Variants in EML6 observed in about 807,000 individuals in gnomAD.
The protein encoded by EML6 is echinoderm microtubule-associated protein-like 6.
EML6 carries 154 observed loss-of-function variants against 240.1 expected under a neutral mutation model. The observed-to-expected ratio is 0.64, with a 90% CI of 0.56 to 0.73. EML6 has a LOEUF of 0.73. Among genes scored for constraint, EML6 ranks in the 30% least tolerant of loss-of-function variants. The pLI, the probability that EML6 is intolerant of heterozygous loss-of-function variation, is 0.00. For missense variants in EML6, 2,964 were observed against 2,474.6 expected (o/e 1.20, Z -4.20); for synonymous variants, 1,148 against 899.0 (o/e 1.28, Z -4.95).
chr2:54,781,904 A>G (rs1265199274), intron 2 of EML6, among the ~76,000 whole-genome samples: 1 of 152,174 alleles, frequency 6.6e-6, no homozygotes, highest in Non-Finnish European at 1.5e-5. Context: ...CCTGGACTCA[A>G]GTGATCTGCC....
chr2:54,945,168 TCC>T (rs1303501816), intron 28 of EML6, among the ~76,000 whole-genome samples: 1 of 69,930 alleles, frequency 1.4e-5, no homozygotes, highest in Non-Finnish European at 2.9e-5. Flanking sequence ...CTCCTCCCCC[TCC>T]CCTCTTTCCC....
rs200826052 is a variant in EML6, at chr2:54,891,162, C to T, written c.2539+8C>T. 32 of 1,396,742 alleles carry T rather than the reference C, an allele frequency of 2.3e-5. No homozygotes were observed. In the East Asian group the frequency reaches 6.8e-4, roughly 30 times the overall value. 86.5% of individuals were successfully genotyped at this position (1,396,742 alleles called of 1,614,324 possible). A position where few individuals can be genotyped will look rare whatever the true frequency, so the allele number is the denominator to read the frequency against. On this transcript the variant is annotated splice_region_variant and intron_variant, in intron 18 of 41. Coordinates refer to ENST00000356458, the MANE Select transcript of EML6 (RefSeq NM_001039753.4). ...AATTCTGGCAACAAGCAGGTACTGT[C>T]GTTTGGGTTTATCATTTATGTGATT...
chr2:54,760,650 A>G (rs1384905869), intron 2 of EML6, among the ~76,000 whole-genome samples: 1 of 152,048 alleles, frequency 6.6e-6, no homozygotes, highest in Non-Finnish European at 1.5e-5. Flanking sequence ...GCCAAATGTA[A>G]TTTTATCTGG....
rs1676118396 is a variant in EML6, at chr2:54,954,106, C to T, written c.4436C>T (p.Ser1479Leu). ...AGTGCAACTGGAAAGCTCCTGGTGT[C>T]GGTGGGAGTGGACCCTGAGCACACC... The part of the protein sequence containing the change: ...NFSATGKLLV[S>L]VGVDPEHTIT... The change falls in exon 32 of 42, where the codon TCG becomes TTG. Residue 1479 changes from serine (S) to leucine (L), a missense_variant. Physicochemically the swap from Ser to Leu is moderately radical, Grantham distance 145 (BLOSUM62 -2). Transcript: ENST00000356458. 6.4e-6 allele frequency: 10 copies of T among 1,551,522 alleles called. No individual in the cohort carries two copies. Among genetic ancestry groups the T allele is most frequent in the Middle Eastern group, 1.7e-4 (1 of 6,014 alleles).
intron 2 of EML6, among the ~76,000 whole-genome samples, chr2:54,773,635 A>G (rs1263043510): frequency 2.0e-5 from 3 of 152,176 alleles, no homozygotes; most frequent in Non-Finnish European, 2.9e-5. Flanking sequence ...TCCAATTTAC[A>G]TTGTCTAAGC....
intron 7 of EML6, among the ~76,000 whole-genome samples, chr2:54,840,175 C>G (rs892357952): frequency 6.6e-6 from 1 of 152,152 alleles, no homozygotes; most frequent in Non-Finnish European, 1.5e-5. Flanking sequence ...GGGACAAATT[C>G]AAGTCATTTG....
intron 2 of EML6, among the ~76,000 whole-genome samples, chr2:54,763,428 A>C (rs1428463442): frequency 1.3e-5 from 2 of 152,256 alleles, no homozygotes; most frequent in Non-Finnish European, 2.9e-5. Flanking sequence ...GAATGTTTAT[A>C]GAACTTTAAC....
rs1056831886 is a variant in EML6 at position 54,957,938 on chromosome 2, G to T, written c.4635G>T (p.Gly1545=). The T allele has an allele frequency of 6.4e-7, 1 of 1,551,472 alleles. No individual in the cohort carries two copies. Among genetic ancestry groups the T allele is most frequent in the African/African-American group, 1.4e-5 (1 of 73,028 alleles). The part of the protein sequence containing the change: ...LAGSALLYKK[G]VIGSLGAAKM... The stretch of plus-strand genomic sequence containing the variant: ...GCAGCGCCTTGCTTTACAAGAAAGG[G>T]GTCATCGGGTCCCTGGGAGCTGCCA... Residue 1545 remains glycine, a synonymous_variant, in exon 33 of 42, where the codon GGG becomes GGT. Transcript: ENST00000356458.
chr2:54,922,286 C>CA (rs767660085), intron 26 of EML6, among the ~76,000 whole-genome samples: 2 of 151,880 alleles, frequency 1.3e-5, no homozygotes, highest in Non-Finnish European at 2.9e-5. Flanking sequence ...TAGAAATGGC[C>CA]AACAGGTATG....
chr2:54,748,208 G>A (rs183239485), intron 2 of EML6, among the ~76,000 whole-genome samples: 4 of 152,184 alleles, frequency 2.6e-5, no homozygotes, highest in African/African-American at 9.7e-5. Context: ...ATTATATGGT[G>A]TCAAAGAAAG....
chr2:54,789,655 C>G (rs1429574224), intron 2 of EML6, among the ~76,000 whole-genome samples: 2 of 151,810 alleles, frequency 1.3e-5, no homozygotes, highest in Non-Finnish European at 2.9e-5. Context: ...TGTCATGTGC[C>G]AGATACTGTA....
intron 31 of EML6, among the ~76,000 whole-genome samples, chr2:54,953,329 C>T (rs1676074029): frequency 6.6e-6 from 1 of 152,186 alleles, no homozygotes; most frequent in African/African-American, 2.4e-5. Context: ...AAGGCTGTTC[C>T]ATCCGTGAGT....
At chr2:54,949,809 G>A (rs1036180413) in intron 29 of EML6, among the ~76,000 whole-genome samples, 1 of 152,142 alleles carries the variant, frequency 6.6e-6, no homozygotes, top group Non-Finnish European at 1.5e-5. Flanking sequence ...CAAACCCACC[G>A]CTAGTGTTCT....
intron 2 of EML6, among the ~76,000 whole-genome samples, chr2:54,753,863 G>A (rs1684282690): frequency 6.6e-6 from 1 of 151,748 alleles, no homozygotes. Flanking sequence ...TTGGCTGGGC[G>A]CGATGGCTCA....
In EML6 at chr2:54,950,586, G is replaced by A. The variant is rs961601970; in HGVS notation, c.4084-64G>A. 5 of 1,532,756 alleles carry A rather than the reference G, an allele frequency of 3.3e-6. No homozygotes were observed. The African/African-American group carries it at 4.1e-5, about 13-fold the overall frequency. The allele number at this position is 1,532,756 out of a possible 1,614,324, so 94.9% of individuals were successfully genotyped here. A position where few individuals can be genotyped will look rare whatever the true frequency, so the allele number is the denominator to read the frequency against. On this transcript the variant is annotated intron_variant, in intron 29 of 41. Transcript: ENST00000356458. ...ACACGAGGCTGCTCACGCAATGTGG[G>A]TGTGTTCCTCGGCTCTCCCTTCCTT...
At chr2:54,738,074 A>G (rs1473778868) in intron 2 of EML6, among the ~76,000 whole-genome samples, 5 of 152,208 alleles carry the variant, frequency 3.3e-5, no homozygotes, top group East Asian at 1.9e-4. Flanking sequence ...TTAAAATTCA[A>G]ACTCTTCTCT....
At chr2:54,902,931 G>T (rs1173867844) in intron 22 of EML6, 113 bp from the exon 23 acceptor site, 2 of 921,338 alleles carry the variant, frequency 2.2e-6, no homozygotes, top group African/African-American at 1.7e-5. Flanking sequence ...TCAATTTAAA[G>T]GCAGTCACGT....
chr2:54,958,749 C>T (rs796969890), intron 33 of EML6, among the ~76,000 whole-genome samples: 18 of 152,308 alleles, frequency 1.2e-4, no homozygotes, highest in African/African-American at 3.8e-4. Flanking sequence ...GTGGGTTTCT[C>T]CCTCTTGTAG....
intron 2 of EML6, among the ~76,000 whole-genome samples, chr2:54,752,810 A>G (rs1346383258): frequency 6.6e-6 from 1 of 151,968 alleles, no homozygotes; most frequent in Non-Finnish European, 1.5e-5. Flanking sequence ...TTTTTTTGAG[A>G]CAGAGTCTTA....
Sources: allele counts gnomAD v4.1 joint callset (sites outside exome capture counted in the v4.1 genomes callset), GRCh38; gene constraint gnomAD v4.1.1; transcripts MANE v1.5; gene names NCBI Gene and HGNC (gene_info 2026-07-23, HGNC 2026-07-21).